FGF12: variants seen among roughly 807,000 people sequenced by gnomAD.
FGF12 encodes fibroblast growth factor 12, also known as fibroblast growth factor 12B.
In FGF12, 14 loss-of-function variants were observed where a neutral mutation model predicts 23.6. The ratio of observed to expected loss-of-function variants is 0.59; its 90% CI spans 0.39 to 0.93. The LOEUF is 0.93. Among genes scored for constraint, FGF12 ranks in the 40% least tolerant of loss-of-function variants. The probability of loss-of-function intolerance (pLI) is 0.00; values close to 1 mark genes in which losing one functional copy is unlikely to be tolerated. For synonymous variants in FGF12, 62 were observed against 77.3 expected, an observed-to-expected ratio of 0.80 and a Z score of 1.04; for missense variants, 175 against 217.8, an observed-to-expected ratio of 0.80 and a Z score of 1.24.
rs555592409 is a variant in FGF12, at chr3:192,575,053, C to A, written c.13+152128G>T. On this transcript the variant is annotated intron_variant, in intron 2 of 5. Coordinates refer to ENST00000445105, the MANE Select transcript of FGF12 (RefSeq NM_004113.6). ...ATCCATACAATGGAATACAACTAAG[C>A]AATAACAAGAGGTGAACTATTATTA... is the stretch of plus-strand genomic sequence containing the variant. Among the ~76,000 whole-genome samples, 8 of 152,274 alleles carry A rather than the reference C, an allele frequency of 5.3e-5. No individual in the cohort carries two copies. The South Asian group carries it at 1.7e-3, about 32-fold the overall frequency.
Position 192,624,468 on chromosome 3 carries a change from GGAA to G in FGF12, c.13+102710_13+102712del, listed in dbSNP as rs1715091970. Among the ~76,000 whole-genome samples, 3 of 152,174 alleles carry G rather than the reference GGAA, an allele frequency of 2.0e-5. No homozygotes were observed. The Middle Eastern group carries it at 0.01, about 518-fold the overall frequency. On this transcript the variant is annotated intron_variant, in intron 2 of 5. Coordinates refer to ENST00000445105, the MANE Select transcript of FGF12 (RefSeq NM_004113.6). The stretch of plus-strand genomic sequence containing the variant: ...AAGAGGAGGAGCAGAGAGAAGAGGA[GGAA>G]GGAGAAGGGGGAAAGTGATTCACTT...
intron 2 of FGF12, among the ~76,000 whole-genome samples, chr3:192,672,551 CAG>C (rs924728379): frequency 9.3e-5 from 14 of 151,048 alleles, no homozygotes; most frequent in African/African-American, 3.4e-4. Context: ...ACTTCAAACA[CAG>C]GGGACAGATC....
At chr3:192,719,122 C>T (rs1718954855) in intron 2 of FGF12, among the ~76,000 whole-genome samples, 1 of 152,104 alleles carries the variant, frequency 6.6e-6, no homozygotes, top group South Asian at 2.1e-4. Context: ...TAGATTAATA[C>T]ATTAGAATAT....
intron 2 of FGF12, among the ~76,000 whole-genome samples, chr3:192,668,174 C>T (rs759162911): frequency 2.0e-5 from 3 of 147,338 alleles, no homozygotes; most frequent in Admixed American, 6.7e-5. Flanking sequence ...CTCTGAACTC[C>T]GAAAAAAAAA....
At chr3:192,242,405 C>T (rs1719666204) in intron 4 of FGF12, among the ~76,000 whole-genome samples, 2 of 152,094 alleles carry the variant, frequency 1.3e-5, no homozygotes, top group Non-Finnish European at 2.9e-5. Context: ...TGAACATTGC[C>T]AATTTTCCCC....
At chr3:192,678,905 C>T (rs991598396) in intron 2 of FGF12, among the ~76,000 whole-genome samples, 2 of 152,126 alleles carry the variant, frequency 1.3e-5, no homozygotes, top group African/African-American at 4.8e-5. Flanking sequence ...CTTTAATATG[C>T]TTCAGAGTCC....
At chr3:192,399,546 G>A (rs1720670532) in intron 2 of FGF12, among the ~76,000 whole-genome samples, 1 of 152,128 alleles carries the variant, frequency 6.6e-6, no homozygotes, top group Non-Finnish European at 1.5e-5. Flanking sequence ...AAAATTTCTA[G>A]GCATAATGGA....
chr3:192,407,876 G>A, intron 2 of FGF12: 3 of 862,322 alleles, frequency 3.5e-6, no homozygotes, highest in Non-Finnish European at 5.4e-6. Context: ...AACTGACAGA[G>A]TGGTTGAAAG....
chr3:192,188,341 C>T (rs1226818861), intron 4 of FGF12, among the ~76,000 whole-genome samples: 1 of 152,116 alleles, frequency 6.6e-6, no homozygotes, highest in Admixed American at 6.5e-5. Flanking sequence ...TGAAACTACG[C>T]ACGTGTTTTT....
At chr3:192,392,353 A>T (rs1720326888) in intron 2 of FGF12, among the ~76,000 whole-genome samples, 1 of 151,852 alleles carries the variant, frequency 6.6e-6, no homozygotes, top group Admixed American at 6.6e-5. Context: ...CTGATCCCTG[A>T]GGTCGGGAGT....
At chr3:192,362,775 A>G (rs1577389846) in intron 2 of FGF12, among the ~76,000 whole-genome samples, 1 of 152,332 alleles carries the variant, frequency 6.6e-6, no homozygotes, top group East Asian at 1.9e-4. Context: ...TAATGTTTCA[A>G]CTATGAAAAT....
intron 4 of FGF12, among the ~76,000 whole-genome samples, chr3:192,258,784 TAAAG>T (rs1384850219): frequency 6.6e-6 from 1 of 152,158 alleles, no homozygotes; most frequent in Non-Finnish European, 1.5e-5. Flanking sequence ...ATGTTCCACA[TAAAG>T]AGAAAGAAAG....
At chr3:192,270,786 GGGAAGGAA>G (rs57509999) in intron 4 of FGF12, among the ~76,000 whole-genome samples, 4,360 of 149,878 alleles carry the variant, frequency 0.029, 165 homozygotes, top group African/African-American at 0.09. Context: ...GAAGAAAAGT[GGGAAGGAA>G]GGAAGGAAGG....
At chr3:192,520,956 G>A (rs1724798735) in intron 2 of FGF12, among the ~76,000 whole-genome samples, 1 of 152,064 alleles carries the variant, frequency 6.6e-6, no homozygotes, top group African/African-American at 2.4e-5. Flanking sequence ...TCATATTGTA[G>A]AAAACACTGC....
chr3:192,390,875 AG>A (rs930395989), intron 2 of FGF12, among the ~76,000 whole-genome samples: 2 of 152,206 alleles, frequency 1.3e-5, no homozygotes, highest in Non-Finnish European at 2.9e-5. Context: ...TGTTGACTAA[AG>A]GGGAAACTCA....
chr3:192,194,764 G>A (rs1435234627), intron 4 of FGF12, among the ~76,000 whole-genome samples: 3 of 151,948 alleles, frequency 2.0e-5, no homozygotes, highest in Non-Finnish European at 2.9e-5. Flanking sequence ...ACTATAATAA[G>A]ACTTTTTAAA....
At chr3:192,628,339 C>CT (rs146402016) in intron 2 of FGF12, among the ~76,000 whole-genome samples, 14,935 of 151,688 alleles carry the variant, frequency 0.098, 921 homozygotes, top group Non-Finnish European at 0.15. Flanking sequence ...TGGGAATACA[C>CT]TTTTGTTTTT....
At chr3:192,305,679 A>AT (rs1553794685) in intron 4 of FGF12, among the ~76,000 whole-genome samples, 12,854 of 131,588 alleles carry the variant, frequency 0.098, 713 homozygotes, top group East Asian at 0.19. Context: ...AAAAAAAAAA[A>AT]ATATATATAT....
At chr3:192,221,448 A>C (rs6790664) in intron 4 of FGF12, among the ~76,000 whole-genome samples, 72,528 of 151,946 alleles carry the variant, frequency 0.48, 18,619 homozygotes, top group East Asian at 0.99. Context: ...ACACTATTAT[A>C]CCTGTAAGCA....
Sources: gnomAD v4.1 joint callset for allele counts (sites outside exome capture counted in the v4.1 genomes callset) on GRCh38, gnomAD v4.1.1 for gene constraint, MANE v1.5 for transcripts, NCBI Gene and HGNC (gene_info 2026-07-23, HGNC 2026-07-21) for gene names.